The following GSG1L variants were observed in gnomAD, a reference collection of about 807,000 sequenced individuals.
GSG1L encodes germ cell-specific gene 1-like protein.
A neutral mutation model predicts 42.1 loss-of-function variants in GSG1L; 24 were observed. The ratio of observed to expected loss-of-function variants is 0.57; its 90% CI spans 0.41 to 0.80. The LOEUF (loss-of-function observed/expected upper bound fraction) is 0.80. Among genes scored for constraint, GSG1L ranks in the 30% least tolerant of loss-of-function variants. GSG1L has a pLI of 0.00. For missense variants in GSG1L, 445 were observed against 472.2 expected (o/e 0.94, Z 0.53); for synonymous variants, 215 against 203.5 (o/e 1.06, Z -0.48).
intron 2 of GSG1L, among the ~76,000 whole-genome samples, chr16:27,926,278 G>A (rs2084591307): frequency 1.3e-5 from 2 of 152,182 alleles, no homozygotes; most frequent in African/African-American, 2.4e-5. Context: ...CTATGTGCCA[G>A]GCACCAGGCT....
At chr16:27,901,720 G>C (rs940160745) in intron 2 of GSG1L, among the ~76,000 whole-genome samples, 1 of 152,148 alleles carries the variant, frequency 6.6e-6, no homozygotes, top group African/African-American at 2.4e-5. Context: ...AAATACCATC[G>C]GGTCTCTCTC....
chr16:27,994,895 C>T (rs937370145), intron 1 of GSG1L, among the ~76,000 whole-genome samples: 2 of 152,184 alleles, frequency 1.3e-5, no homozygotes, highest in African/African-American at 4.8e-5. Flanking sequence ...CTGAATCGTG[C>T]AGTGCACAGC....
intron 1 of GSG1L, among the ~76,000 whole-genome samples, chr16:27,977,866 G>A (rs1294330796): frequency 6.6e-6 from 1 of 152,184 alleles, no homozygotes; most frequent in Non-Finnish European, 1.5e-5. Context: ...CCACCGTTCA[G>A]AAAAGACAAA....
chr16:27,841,853 AGCAGGC>A (rs1187955893), intron 4 of GSG1L, among the ~76,000 whole-genome samples: 1 of 152,160 alleles, frequency 6.6e-6, no homozygotes, highest in African/African-American at 2.4e-5. Flanking sequence ...GGCTGACACC[AGCAGGC>A]TTGACTTGAG....
At chr16:28,015,877 A>T (rs927893832) in intron 1 of GSG1L, among the ~76,000 whole-genome samples, 1 of 152,220 alleles carries the variant, frequency 6.6e-6, no homozygotes, top group Admixed American at 6.5e-5. Flanking sequence ...CTCTGCTGCC[A>T]CTGGGCTGTA....
chr16:27,843,568 A>ATTTGGGGAAAAGCTG (rs1031589822), intron 4 of GSG1L, among the ~76,000 whole-genome samples: 2 of 151,412 alleles, frequency 1.3e-5, no homozygotes, highest in Non-Finnish European at 2.9e-5. Context: ...CTTTGCTAGC[A>ATTTGGGGAAAAGCTG]TTTGGGGAAA....
At chr16:27,962,689 G>C (rs941495157) in intron 2 of GSG1L, among the ~76,000 whole-genome samples, 11 of 152,100 alleles carry the variant, frequency 7.2e-5, no homozygotes, top group Non-Finnish European at 1.3e-4. Context: ...AGCCTCTGCT[G>C]TCGGGCTCTG....
chr16:27,797,842 AAGAG>A (rs1390134852), intron 6 of GSG1L, among the ~76,000 whole-genome samples: 28 of 137,564 alleles, frequency 2.0e-4, no homozygotes, highest in African/African-American at 6.9e-4. Context: ...AAAAAAAAAA[AAGAG>A]AGAGAGAGAG....
At chr16:27,957,801 C>A (rs1040259909) in intron 2 of GSG1L, among the ~76,000 whole-genome samples, 1 of 152,136 alleles carries the variant, frequency 6.6e-6, no homozygotes, top group Non-Finnish European at 1.5e-5. Context: ...AAGCATGGCG[C>A]CAGCATCTGC....
chr16:27,934,243 G>A (rs773980009), intron 2 of GSG1L, among the ~76,000 whole-genome samples: 1 of 152,164 alleles, frequency 6.6e-6, no homozygotes, highest in Non-Finnish European at 1.5e-5. Flanking sequence ...AGGAGGGAAG[G>A]CTTTAAAAGC....
chr16:27,807,193 T>C (rs987612011), intron 6 of GSG1L, among the ~76,000 whole-genome samples: 2 of 152,220 alleles, frequency 1.3e-5, no homozygotes, highest in African/African-American at 4.8e-5. Flanking sequence ...CTCAGACCAG[T>C]GGCTAACCCA....
chr16:27,817,811 G>A (rs2083113308), intron 5 of GSG1L, among the ~76,000 whole-genome samples: 3 of 152,140 alleles, frequency 2.0e-5, no homozygotes, highest in South Asian at 2.1e-4. Context: ...CTTACATCAC[G>A]AAGGATGTTT....
In GSG1L at chr16:28,035,932, G is replaced by C. The variant is rs564374676; in HGVS notation, c.349+27144C>G. ...ATCCATGTGGGATTCATTTGGATCA[G>C]CAAACTGGGCCCTTCTGACCGAAAG... On this transcript the variant is annotated intron_variant, in intron 1 of 6. Coordinates refer to ENST00000447459, the MANE Select transcript of GSG1L (RefSeq NM_001109763.2). 2.0e-5 allele frequency among the ~76,000 whole-genome samples: 3 copies of C among 152,350 alleles called. No homozygotes were observed. In the South Asian group the frequency reaches 6.2e-4, roughly 32 times the overall value.
chr16:27,963,374 G>T (rs1486393392), intron 1 of GSG1L, among the ~76,000 whole-genome samples, 171 bp from the exon 2 acceptor site: 1 of 151,986 alleles, frequency 6.6e-6, no homozygotes. Flanking sequence ...GAGTGTGGAT[G>T]GCGAAACTGC....
At chr16:27,889,340 G>C (rs2084095863) in intron 2 of GSG1L, among the ~76,000 whole-genome samples, 1 of 152,200 alleles carries the variant, frequency 6.6e-6, no homozygotes, top group African/African-American at 2.4e-5. Flanking sequence ...CTGGGCTCGG[G>C]AGCATCCGTC....
rs763557716 is a variant in GSG1L, at chr16:27,791,473, A to G, written c.899-6T>C. ...CGCCATGTGTGGCTGGTGTCCTGCCAGGAGACAAGGCGGTCAGTGCTGAAA... is the reference window on the plus strand; with the variant it reads ...CGCCATGTGTGGCTGGTGTCCTGCCGGGAGACAAGGCGGTCAGTGCTGAAA... On this transcript the variant is annotated splice_region_variant and splice_polypyrimidine_tract_variant and intron_variant, in intron 6 of 6. Transcript: ENST00000447459. 196 of 1,470,546 alleles carry G rather than the reference A, an allele frequency of 1.3e-4. No homozygotes were observed. In the Admixed American group the frequency reaches 4.6e-3, roughly 34 times the overall value. 91.1% of individuals were successfully genotyped at this position (1,470,546 alleles called of 1,614,324 possible). A position where few individuals can be genotyped will look rare whatever the true frequency, so the allele number is the denominator to read the frequency against.
chr16:27,908,788 T>A (rs1397751670), intron 2 of GSG1L, among the ~76,000 whole-genome samples: 1 of 152,216 alleles, frequency 6.6e-6, no homozygotes, highest in Non-Finnish European at 1.5e-5. Context: ...TTCCAACACA[T>A]GAATTTTTGG....
chr16:27,847,376 G>A (rs541630531), intron 3 of GSG1L, among the ~76,000 whole-genome samples: 99 of 152,312 alleles, frequency 6.5e-4, no homozygotes, highest in African/African-American at 2.2e-3. Context: ...GGCTGGGTGT[G>A]GTGCTCCCCA....
chr16:28,019,926 T>C (rs1267535231), intron 1 of GSG1L, among the ~76,000 whole-genome samples: 2 of 152,230 alleles, frequency 1.3e-5, no homozygotes, highest in Non-Finnish European at 2.9e-5. Flanking sequence ...TCTATCATCA[T>C]GCTCACCTGG....
Sources: allele counts gnomAD v4.1 joint callset (sites outside exome capture counted in the v4.1 genomes callset), GRCh38; gene constraint gnomAD v4.1.1; transcripts MANE v1.5; gene names NCBI Gene and HGNC (gene_info 2026-07-23, HGNC 2026-07-21).